The following RARB variants were observed in gnomAD, a reference collection of about 807,000 sequenced individuals.
The protein encoded by RARB is HBV-activated protein.
A neutral mutation model predicts 51.9 loss-of-function variants in RARB; 17 were observed. The ratio of observed to expected loss-of-function variants is 0.33; its 90% confidence interval spans 0.22 to 0.49. RARB has a LOEUF of 0.49. Among genes scored for constraint, RARB ranks in the 20% least tolerant of loss-of-function variants. RARB has a pLI of 0.99. For missense variants in RARB, 369 were observed against 550.8 expected (o/e 0.67, Z 3.30); for synonymous variants, 215 against 195.4 (o/e 1.10, Z -0.84).
chr3:25,054,564 C>T (rs1559449305), intron 2 of RARB, among the ~76,000 whole-genome samples: 1 of 152,140 alleles, frequency 6.6e-6, no homozygotes, highest in Non-Finnish European at 1.5e-5. Context: ...TGAGTGAAGT[C>T]AGAAAGGCTG....
chr3:25,072,644 T>C (rs999467695), intron 3 of RARB, among the ~76,000 whole-genome samples: 3 of 152,146 alleles, frequency 2.0e-5, no homozygotes, highest in Non-Finnish European at 4.4e-5. Flanking sequence ...GTTCTATTGT[T>C]TGTGTGAAAT....
At chr3:25,309,829 G>A (rs1390402224) in intron 5 of RARB, among the ~76,000 whole-genome samples, 1 of 152,210 alleles carries the variant, frequency 6.6e-6, no homozygotes, top group African/African-American at 2.4e-5. Flanking sequence ...TAATGAAACA[G>A]ATGTCTCAAA....
At chr3:24,899,762 A>C (rs968128239) in intron 2 of RARB, among the ~76,000 whole-genome samples, 3 of 152,250 alleles carry the variant, frequency 2.0e-5, no homozygotes, top group South Asian at 4.1e-4. Context: ...TTAAAGAAGG[A>C]AAATATAATA....
intron 2 of RARB, among the ~76,000 whole-genome samples, chr3:25,030,125 C>T (rs13072769): frequency 0.4 from 60,892 of 152,092 alleles, 14,562 homozygotes; most frequent in East Asian, 0.6. Flanking sequence ...CTAGTCAATA[C>T]CTTTTCTATT....
At chr3:25,076,174 C>G (rs1274884266) in intron 3 of RARB, among the ~76,000 whole-genome samples, 2 of 150,546 alleles carry the variant, frequency 1.3e-5, no homozygotes, top group East Asian at 3.9e-4. Flanking sequence ...CAAAATCTCT[C>G]TCTGTCGCCC....
chr3:25,382,999 A>C (rs1312841920), intron 5 of RARB, among the ~76,000 whole-genome samples: 1 of 152,354 alleles, frequency 6.6e-6, no homozygotes, highest in South Asian at 2.1e-4. Flanking sequence ...AACTAGAGTG[A>C]GAACATCTAG....
intron 2 of RARB, among the ~76,000 whole-genome samples, chr3:24,895,754 C>G (rs1052905569): frequency 1.3e-5 from 2 of 151,946 alleles, no homozygotes; most frequent in Non-Finnish European, 2.9e-5. Flanking sequence ...AAATAATAAT[C>G]TTTGTGCATT....
upstream of RARB, among the ~76,000 whole-genome samples, chr3:25,427,004 A>G (rs970988083): frequency 1.3e-5 from 2 of 152,224 alleles, no homozygotes; most frequent in African/African-American, 4.8e-5. Context: ...ATGAGAGAAA[A>G]CTGGTCCTTC....
intron 2 of RARB, among the ~76,000 whole-genome samples, chr3:25,040,863 G>A (rs188351990): frequency 6.6e-6 from 1 of 152,172 alleles, no homozygotes; most frequent in Non-Finnish European, 1.5e-5. Flanking sequence ...GAGGTGGATA[G>A]GCTGCCTGGT....
intron 1 of RARB, among the ~76,000 whole-genome samples, chr3:25,458,058 A>G (rs2125551217): frequency 6.6e-6 from 1 of 152,346 alleles, no homozygotes. Context: ...GTGTAAATCT[A>G]CACAACCTTT....
intron 5 of RARB, among the ~76,000 whole-genome samples, chr3:25,422,406 G>A (rs985646845): frequency 8.5e-5 from 13 of 152,168 alleles, no homozygotes; most frequent in Admixed American, 7.2e-4. Flanking sequence ...GGAAGTCACA[G>A]GCAAGCTGCA....
In RARB at chr3:25,251,553, C is replaced by T. The variant is rs1575258187; in HGVS notation, c.178+76978C>T. 2.0e-5 allele frequency among the ~76,000 whole-genome samples: 3 copies of T among 152,090 alleles called. No individual in the cohort carries two copies. The East Asian group carries it at 5.8e-4, about 29-fold the overall frequency. On this transcript the variant is annotated intron_variant, in intron 5 of 11. Transcript: ENST00000383772. Reference sequence around the variant, plus strand: ...TGTCCATTTTGTAATTATATCCATCCTAGTGTGTGTGAAATGACATTTTAT... The same window carrying T: ...TGTCCATTTTGTAATTATATCCATCTTAGTGTGTGTGAAATGACATTTTAT...
intron 1 of RARB, among the ~76,000 whole-genome samples, chr3:25,438,596 G>T (rs1041568896): frequency 6.6e-6 from 1 of 152,096 alleles, no homozygotes. Flanking sequence ...GGAAATGGAG[G>T]CTCAGGGAAG....
At chr3:25,504,321 A>T (rs1697460634) in intron 3 of RARB, among the ~76,000 whole-genome samples, 1 of 152,174 alleles carries the variant, frequency 6.6e-6, no homozygotes, top group South Asian at 2.1e-4. Flanking sequence ...TAATCTATTG[A>T]CCCAGCAAAA....
intron 2 of RARB, among the ~76,000 whole-genome samples, chr3:25,491,397 C>T (rs540401549): frequency 1.3e-5 from 2 of 152,140 alleles, no homozygotes; most frequent in African/African-American, 4.8e-5. Context: ...CAGAGGCATC[C>T]CAAGGGGATC....
At chr3:25,561,728 T>C (rs1190880955) in intron 3 of RARB, among the ~76,000 whole-genome samples, 1 of 152,220 alleles carries the variant, frequency 6.6e-6, no homozygotes, top group Non-Finnish European at 1.5e-5. Context: ...CTTCAGTTCA[T>C]TTGCTAAAAA....
At chr3:25,370,791 T>C (rs1446852745) in intron 5 of RARB, among the ~76,000 whole-genome samples, 1 of 152,164 alleles carries the variant, frequency 6.6e-6, no homozygotes, top group African/African-American at 2.4e-5. Context: ...CTTGCTGGCG[T>C]CAAACAACAG....
intron 2 of RARB, among the ~76,000 whole-genome samples, chr3:24,893,872 T>C (rs1271908381): frequency 6.6e-6 from 1 of 152,164 alleles, no homozygotes; most frequent in African/African-American, 2.4e-5. Context: ...CTAGGAGGAA[T>C]GTTTGTAACA....
At chr3:25,318,602 G>GT (rs1479385374) in intron 5 of RARB, among the ~76,000 whole-genome samples, 6 of 152,172 alleles carry the variant, frequency 3.9e-5, no homozygotes, top group Non-Finnish European at 7.4e-5. Flanking sequence ...AAATGTATGT[G>GT]TAGGTAATCC....
Sources: gnomAD v4.1 joint callset for allele counts (sites outside exome capture counted in the v4.1 genomes callset) on GRCh38, gnomAD v4.1.1 for gene constraint, MANE v1.5 for transcripts, NCBI Gene and HGNC (gene_info 2026-07-23, HGNC 2026-07-21) for gene names.